Variants in DCLK1 observed in about 807,000 individuals in gnomAD.
The protein encoded by DCLK1 is serine/threonine-protein kinase DCLK1.
DCLK1 carries 16 observed loss-of-function variants against 86.2 expected under a neutral mutation model. That is an observed-to-expected ratio of 0.19 (90% confidence interval 0.13 to 0.28). The LOEUF (loss-of-function observed/expected upper bound fraction) is 0.28, where lower values mean the gene tolerates loss of function less well. Ranked by LOEUF, DCLK1 falls within the 10% of genes least tolerant of loss-of-function variation. DCLK1 has a pLI of 1.00. For missense variants in DCLK1, 590 were observed against 940.2 expected, an observed-to-expected ratio of 0.63 and a Z score of 4.87; for synonymous variants, 369 against 370.5, an observed-to-expected ratio of 1.00 and a Z score of 0.05.
intron 11 of DCLK1, among the ~76,000 whole-genome samples, chr13:35,822,158 C>CTT (rs901094498): frequency 2.0e-5 from 3 of 151,538 alleles, no homozygotes; most frequent in African/African-American, 7.3e-5. Flanking sequence ...TTTTCTCTCT[C>CTT]TCTTTCTTTC....
At position 35,793,476 on chromosome 13, in the gene DCLK1, C is replaced by T. The variant is rs1438658565; in HGVS notation, c.1948G>A (p.Asp650Asn). The T allele has an allele frequency of 2.5e-6, 4 of 1,592,344 alleles. No individual in the cohort carries two copies. The highest frequency in any genetic ancestry group is 2.6e-6 in the Non-Finnish European group (3 of 1,171,478). ...QVLEHPWVND[D>N]GLPENEHQLS... is the part of the protein sequence containing the mutation. ...TGATGTTCATTTTCTGGGAGGCCAT[C>T]ATCCTGGAGAAAAAGAAATAAAGAG... The change falls in exon 16 of 17, where the codon GAT (aspartate) becomes AAT (asparagine). Residue 650 changes from aspartate to asparagine, a missense_variant. Asp to Asn is a conservative substitution (Grantham distance 23). Around this residue, in one of 6 missense-constraint regions of DCLK1, gnomAD observed 146 missense variants for 190.2 expected, o/e 0.77. Coordinates refer to ENST00000360631, the MANE Select transcript of DCLK1 (RefSeq NM_001330071.2).
At chr13:35,808,373 G>T in intron 13 of DCLK1, 53 bp from the exon 14 acceptor site, 1 of 1,467,434 alleles carries the variant, frequency 6.8e-7, no homozygotes, top group Non-Finnish European at 9.6e-7. Context: ...TCAACTCAGT[G>T]TACATCTTTT....
At chr13:35,942,153 G>A (rs1221095859) in intron 4 of DCLK1, among the ~76,000 whole-genome samples, 1 of 151,896 alleles carries the variant, frequency 6.6e-6, no homozygotes, top group African/African-American at 2.4e-5. Context: ...CGGCTTTAAT[G>A]TTTTCTAAAG....
In DCLK1 at chr13:36,113,252, T is replaced by C. The variant is rs572752246; in HGVS notation, c.377-1037A>G. On this transcript the variant is annotated intron_variant, in intron 2 of 16. Coordinates refer to ENST00000360631, the MANE Select transcript of DCLK1 (RefSeq NM_001330071.2). ...AGTGCAAGCATCCAAGGCCAAAGAA[T>C]AAGTAGTCACATAAAAATAACTGAA... is the stretch of plus-strand genomic sequence containing the variant. Among the ~76,000 whole-genome samples the C allele has an allele frequency of 2.0e-5, 3 of 152,298 alleles. No homozygotes were observed. In the South Asian group the frequency reaches 6.2e-4, roughly 32 times the overall value.
At chr13:35,829,587 G>C (rs77306766) in intron 8 of DCLK1, among the ~76,000 whole-genome samples, 4,497 of 152,256 alleles carry the variant, frequency 0.03, 91 homozygotes, top group East Asian at 0.11. Context: ...AATGTGTTTT[G>C]AGGGCATTCT....
intron 4 of DCLK1, among the ~76,000 whole-genome samples, chr13:35,894,342 G>A (rs756266660): frequency 3.9e-5 from 6 of 152,246 alleles, no homozygotes; most frequent in Non-Finnish European, 7.4e-5. Context: ...ACAGCTACAC[G>A]GCATCTGCGC....
intron 6 of DCLK1, chr13:35,847,381 C>T (rs1442130676): frequency 1.0e-6 from 1 of 985,086 alleles, no homozygotes; most frequent in Non-Finnish European, 1.2e-6. Flanking sequence ...ATCACAAATA[C>T]TATACTTTAC....
chr13:35,859,334 T>C lies in DCLK1; in HGVS notation c.941-4741A>G, dbSNP rs1163928904. Among the ~76,000 whole-genome samples the C allele has an allele frequency of 3.3e-5, 5 of 152,200 alleles. No homozygotes were observed. The East Asian group carries it at 9.6e-4, about 29-fold the overall frequency. On this transcript the variant is annotated intron_variant, in intron 5 of 16. Transcript: ENST00000360631. Reference sequence around the variant, plus strand: ...CTTTGCTTTTATCTGTATAGGTACATTTTCTTATTTTAAAAAATAGGAAAT... The same window carrying C: ...CTTTGCTTTTATCTGTATAGGTACACTTTCTTATTTTAAAAAATAGGAAAT...
Position 36,049,099 on chromosome 13 carries a change from T to C in DCLK1, c.723+62770A>G, listed in dbSNP as rs749471239. 8.6e-4 allele frequency among the ~76,000 whole-genome samples: 131 copies of C among 152,216 alleles called. 1 individual carries two copies. Among genetic ancestry groups the C allele is most frequent in the Middle Eastern group, 6.8e-3 (2 of 294 alleles). ...ACTTTCCATCTTATTCTCCTTCACA[T>C]CACTTTCCAAAGACAATAGAAAACC... On this transcript the variant is annotated intron_variant, in intron 3 of 16. Transcript: ENST00000360631.
chr13:36,073,382 C>T (rs957120912), intron 3 of DCLK1, among the ~76,000 whole-genome samples: 7 of 152,106 alleles, frequency 4.6e-5, no homozygotes, highest in African/African-American at 1.7e-4. Flanking sequence ...CTATCTCACT[C>T]CCATAACAAC....
intron 14 of DCLK1, among the ~76,000 whole-genome samples, chr13:35,807,946 G>A (rs1029869069): frequency 1.3e-5 from 2 of 152,196 alleles, no homozygotes; most frequent in African/African-American, 2.4e-5. Context: ...CAAGCCTGGC[G>A]AGGGTGGGGC....
chr13:35,998,535 T>A (rs1298638866), intron 3 of DCLK1, among the ~76,000 whole-genome samples: 1 of 152,122 alleles, frequency 6.6e-6, no homozygotes, highest in South Asian at 2.1e-4. Flanking sequence ...AGAATCATCA[T>A]ACTTATGCCA....
At chr13:35,848,980 C>A in intron 6 of DCLK1, 1 of 985,288 alleles carries the variant, frequency 1.0e-6, no homozygotes, top group Non-Finnish European at 1.2e-6. Context: ...GTTTTAAAAC[C>A]TGAAGTCTGG....
intron 3 of DCLK1, among the ~76,000 whole-genome samples, chr13:35,991,327 AT>A (rs994548626): frequency 7.9e-5 from 12 of 151,998 alleles, no homozygotes; most frequent in African/African-American, 2.9e-4. Flanking sequence ...AAGTTTAACT[AT>A]TTTTTTAGGT....
intron 3 of DCLK1, among the ~76,000 whole-genome samples, chr13:36,019,556 C>T (rs1881682503): frequency 1.3e-5 from 2 of 152,230 alleles, no homozygotes; most frequent in Non-Finnish European, 2.9e-5. Context: ...TCTTTGTTCA[C>T]ATCACCTCTT....
intron 3 of DCLK1, among the ~76,000 whole-genome samples, chr13:35,964,992 C>T (rs1329114495): frequency 6.6e-6 from 1 of 152,154 alleles, no homozygotes. Context: ...AAAATATTTA[C>T]TCTCTGACCC....
At chr13:35,790,650 A>C (rs1008785201) in intron 16 of DCLK1, among the ~76,000 whole-genome samples, 2 of 152,208 alleles carry the variant, frequency 1.3e-5, no homozygotes, top group African/African-American at 4.8e-5. Context: ...AAGAGAAGTC[A>C]TCACTGTATT....
At chr13:36,120,307 G>A (rs1248498854) in intron 2 of DCLK1, among the ~76,000 whole-genome samples, 1 of 152,090 alleles carries the variant, frequency 6.6e-6, no homozygotes, top group Non-Finnish European at 1.5e-5. Flanking sequence ...AAAAAATAGA[G>A]TCATGTGCCA....
At chr13:35,847,197 A>G (rs1216194983) in intron 6 of DCLK1, 1 of 981,158 alleles carries the variant, frequency 1.0e-6, no homozygotes, top group East Asian at 1.1e-4. Context: ...ATTTAGCTGA[A>G]TTTCAATTTT....
Sources: gnomAD v4.1 joint callset for allele counts (sites outside exome capture counted in the v4.1 genomes callset) on GRCh38, gnomAD v4.1.1 for gene constraint, gnomAD v4.1.1 regional missense constraint, MANE v1.5 for transcripts, NCBI Gene and HGNC (gene_info 2026-07-23, HGNC 2026-07-21) for gene names.